The following SERBP1 variants were observed in gnomAD, a reference collection of about 807,000 sequenced individuals.
The protein encoded by SERBP1 is SERPINE1 mRNA binding protein 1, also known as SERPINE1 mRNA-binding protein 1.
A neutral mutation model predicts 50.2 loss-of-function variants in SERBP1; 6 were observed. The observed-to-expected ratio is 0.12, with a 90% CI of 0.07 to 0.24. The LOEUF (loss-of-function observed/expected upper bound fraction) is 0.24, where lower values mean the gene tolerates loss of function less well. SERBP1 is among the 10% of genes least tolerant of loss of function. The probability of loss-of-function intolerance (pLI) is 1.00; values close to 1 mark genes in which losing one functional copy is unlikely to be tolerated. For synonymous variants in SERBP1, 168 were observed against 182.8 expected (o/e 0.92, Z 0.65); for missense variants, 346 against 524.9 (o/e 0.66, Z 3.33).
intron 5 of SERBP1, among the ~76,000 whole-genome samples, chr1:67,423,986 C>G (rs1310277364): frequency 1.3e-5 from 2 of 152,120 alleles, no homozygotes; most frequent in Non-Finnish European, 2.9e-5. Context: ...AATTGGAGAC[C>G]TGCCTAGGCA....
chr1:67,424,538 G>A (rs1156988539), intron 4 of SERBP1: 5 of 493,940 alleles, frequency 1.0e-5, no homozygotes, highest in Non-Finnish European at 1.8e-5. Flanking sequence ...ATAAAATGAA[G>A]CTTTACTAGC....
intron 4 of SERBP1, chr1:67,424,519 CAGTT>C (rs1207341241): frequency 9.8e-6 from 5 of 511,656 alleles, no homozygotes; most frequent in Non-Finnish European, 1.3e-5. Context: ...CAGAACAAGG[CAGTT>C]AATTATAAAA....
chr1:67,411,531 A>G lies in SERBP1; in HGVS notation c.*1676T>C, dbSNP rs1003642083. ...ACCAGTGCAGAACATGCTCAGCATC[A>G]TAAGATCCAAAACACCAGCACAAGT... On this transcript the variant is annotated 3_prime_UTR_variant, in exon 8 of 8. Transcript: ENST00000361219. 1 of 152,194 alleles carries G rather than the reference A, an allele frequency of 6.6e-6. No individual in the cohort carries two copies. The highest frequency in any genetic ancestry group is 2.1e-4 in the South Asian group (1 of 4,836). 9.4% of individuals were successfully genotyped at this position (152,194 alleles called of 1,614,324 possible). A position where few individuals can be genotyped will look rare whatever the true frequency, so the allele number is the denominator to read the frequency against.
intron 7 of SERBP1, 97 bp downstream of exon 7, chr1:67,415,069 T>A (rs1666958026): frequency 7.5e-7 from 1 of 1,340,488 alleles, no homozygotes; most frequent in African/African-American, 1.5e-5. Flanking sequence ...TGCTACTACT[T>A]CTACTTATGT....
chr1:67,425,274 G>A, intron 2 of SERBP1, 51 bp from the exon 3 acceptor site: 3 of 1,501,788 alleles, frequency 2.0e-6, no homozygotes, highest in South Asian at 1.3e-5. Flanking sequence ...GAAGAAATGA[G>A]GAAAATTCAT....
In SERBP1 at chr1:67,408,183, G is replaced by A. The variant is rs1481305111; in HGVS notation, c.*5024C>T. ...ACTATTTAAGGATTAAGCCACACAA[G>A]GTCAGAGTAATTGAGCACCTAGTAT... On this transcript the variant is annotated 3_prime_UTR_variant, in exon 8 of 8. Coordinates refer to ENST00000361219, the MANE Select transcript of SERBP1 (RefSeq NM_001018069.2). 1.3e-5 allele frequency: 2 copies of A among 152,060 alleles called. No individual in the cohort carries two copies. Among genetic ancestry groups the A allele is most frequent in the East Asian group, 3.8e-4 (2 of 5,196 alleles). The allele number at this position is 152,060 out of a possible 1,614,324, so 9.4% of individuals were successfully genotyped here. A position where few individuals can be genotyped will look rare whatever the true frequency, so the allele number is the denominator to read the frequency against.
intron 5 of SERBP1, among the ~76,000 whole-genome samples, chr1:67,421,027 A>G (rs1667181686): frequency 6.6e-6 from 1 of 152,216 alleles, no homozygotes; most frequent in African/African-American, 2.4e-5. Flanking sequence ...TTCCAAAGAT[A>G]GCAGGTGATT....
In SERBP1 at chr1:67,409,421, C is replaced by CCACACACACACACA. The variant is rs1245951640; in HGVS notation, c.*3785_*3786insTGTGTGTGTGTGTG. 2.8e-5 allele frequency: 3 copies of CCACACACACACACA among 108,950 alleles called. No individual in the cohort carries two copies. Among genetic ancestry groups the CCACACACACACACA allele is most frequent in the Non-Finnish European group, 5.3e-5 (3 of 56,396 alleles). The allele number at this position is 108,950 out of a possible 1,614,324, so 6.7% of individuals were successfully genotyped here. A position where few individuals can be genotyped will look rare whatever the true frequency, so the allele number is the denominator to read the frequency against. ...CACACACACACACACACACACACACCCCCACACACACCAGGTCACAGGCTG... is the reference window on the plus strand; with the variant it reads ...CACACACACACACACACACACACACCCACACACACACACACCCACACACACCAGGTCACAGGCTG... On this transcript the variant is annotated 3_prime_UTR_variant, in exon 8 of 8. Coordinates refer to ENST00000361219, the MANE Select transcript of SERBP1 (RefSeq NM_001018069.2).
In SERBP1 at chr1:67,411,258, T is replaced by C. The variant is rs997126284; in HGVS notation, c.*1949A>G. On this transcript the variant is annotated 3_prime_UTR_variant, in exon 8 of 8. Coordinates refer to ENST00000361219, the MANE Select transcript of SERBP1 (RefSeq NM_001018069.2). ...GCTATGTTGTCTCTCACGACAGCAA[T>C]GGATGACACTGAGAAGTTGTGTTTT... 2 of 152,166 alleles carry C rather than the reference T, an allele frequency of 1.3e-5. No individual in the cohort carries two copies. The highest frequency in any genetic ancestry group is 4.8e-5 in the African/African-American group (2 of 41,454). The allele number at this position is 152,166 out of a possible 1,614,324, so 9.4% of individuals were successfully genotyped here.
intron 7 of SERBP1, among the ~76,000 whole-genome samples, chr1:67,414,415 GGC>G (rs1210021212): frequency 6.6e-6 from 1 of 152,166 alleles, no homozygotes; most frequent in African/African-American, 2.4e-5. Context: ...TCATTACACT[GGC>G]AATGGTAAGT....
intron 6 of SERBP1, chr1:67,417,221 C>T (rs1262763313): frequency 1.3e-5 from 2 of 152,136 alleles, no homozygotes; most frequent in Non-Finnish European, 2.9e-5. Context: ...GGAGTGCTCA[C>T]TTTGGCAGCA....
At chr1:67,428,546 T>G (rs1667461072) in intron 1 of SERBP1, among the ~76,000 whole-genome samples, 1 of 152,190 alleles carries the variant, frequency 6.6e-6, no homozygotes, top group African/African-American at 2.4e-5. Flanking sequence ...TTAAATGATT[T>G]ATTTAATTGT....
rs1472507286 is a variant in SERBP1 at position 67,408,075 on chromosome 1, CA to C, written c.*5131del. ...AACTGTCCAAAGATAAGCTACTTCC[CA>C]CTTTCCCTACTCAGTAATACATAAA... On this transcript the variant is annotated 3_prime_UTR_variant, in exon 8 of 8. Coordinates refer to ENST00000361219, the MANE Select transcript of SERBP1 (RefSeq NM_001018069.2). 6.6e-6 allele frequency: 1 copy of C among 152,176 alleles called. No individual in the cohort carries two copies. Among genetic ancestry groups the C allele is most frequent in the Non-Finnish European group, 1.5e-5 (1 of 68,032 alleles). 9.4% of individuals were successfully genotyped at this position (152,176 alleles called of 1,614,324 possible).
At chr1:67,420,392 G>A in intron 5 of SERBP1, 2 of 481,590 alleles carry the variant, frequency 4.2e-6, no homozygotes, top group Non-Finnish European at 3.7e-6. Flanking sequence ...AGACAAGTAA[G>A]GAATATGGAA....
At chr1:67,415,970 TA>T (rs1666991081) in intron 6 of SERBP1, among the ~76,000 whole-genome samples, 2 of 151,404 alleles carry the variant, frequency 1.3e-5, no homozygotes, top group South Asian at 4.2e-4. Context: ...CTTGTAAAGC[TA>T]TGCACAAATA....
At chr1:67,420,644 C>A (rs1171143054) in intron 5 of SERBP1, 1 of 152,710 alleles carries the variant, frequency 6.5e-6, no homozygotes, top group African/African-American at 2.4e-5. Context: ...AACCAGGGTT[C>A]AAATTTTGGA....
At chr1:67,418,388 C>G (rs1051878409) in intron 6 of SERBP1, among the ~76,000 whole-genome samples, 1 of 152,116 alleles carries the variant, frequency 6.6e-6, no homozygotes, top group Non-Finnish European at 1.5e-5. Context: ...CCTAAAAAAA[C>G]TTTTAATCTT....
chr1:67,425,106 A>G lies in SERBP1; in HGVS notation c.582T>C (p.Asp194=). The change falls in exon 3 of 8, where the codon GAT becomes GAC. Residue 194 remains aspartate, a synonymous_variant. Coordinates refer to ENST00000361219, the MANE Select transcript of SERBP1 (RefSeq NM_001018069.2). The part of the protein sequence containing the change: ...GFDSRGKREF[D]RHSGSDRSSF... ...ACGATCTATCACTTCCACTATGCCT[A>G]TCAAATTCACGTTTGCCACGAGAAT... 1 of 1,611,466 alleles carries G rather than the reference A, an allele frequency of 6.2e-7. No individual in the cohort carries two copies. Among genetic ancestry groups the G allele is most frequent in the Non-Finnish European group, 8.5e-7 (1 of 1,179,758 alleles).
intron 1 of SERBP1, 131 bp downstream of exon 1, chr1:67,429,857 T>C (rs760671466): frequency 3.5e-5 from 37 of 1,048,622 alleles, no homozygotes; most frequent in Non-Finnish European, 4.7e-5. Flanking sequence ...TTTTGTCGCG[T>C]GAAGAAACGT....
Sources: allele counts gnomAD v4.1 joint callset (sites outside exome capture counted in the v4.1 genomes callset), GRCh38; gene constraint gnomAD v4.1.1; transcripts MANE v1.5; gene names NCBI Gene and HGNC (gene_info 2026-07-23, HGNC 2026-07-21).